The following APEH variants were observed in gnomAD, a reference collection of about 807,000 sequenced individuals.
APEH encodes the protein acylaminoacyl-peptide hydrolase.
Under a neutral mutation model 102.7 loss-of-function variants are expected in APEH, and 75 were observed. The ratio of observed to expected loss-of-function variants is 0.73; its 90% confidence interval spans 0.61 to 0.89. APEH has a LOEUF of 0.89. Ranked by LOEUF, APEH falls within the 40% of genes least tolerant of loss-of-function variation. The pLI, the probability that APEH is intolerant of heterozygous loss-of-function variation, is 0.00. For missense variants in APEH, 863 were observed against 941.2 expected, an observed-to-expected ratio of 0.92 and a Z score of 1.09; for synonymous variants, 344 against 362.7, an observed-to-expected ratio of 0.95 and a Z score of 0.59.
chr3:49,674,074 G>T (rs915026021), upstream of APEH: 7 of 434,262 alleles, frequency 1.6e-5, no homozygotes, highest in African/African-American at 1.5e-4. Context: ...CCACAGGGCC[G>T]CCCCCTCTCC....
chr3:49,676,481 T>C lies in APEH; in HGVS notation c.710T>C (p.Leu237Pro), dbSNP rs369684337. The C allele has an allele frequency of 9.3e-6, 15 of 1,614,248 alleles. No individual in the cohort carries two copies. The highest frequency in any genetic ancestry group is 1.1e-5 in the Non-Finnish European group (13 of 1,180,032). ...GTCGAGAGTGGCAACATCTCTGTGCTTGAGGGGGTCCCTGAGAATGTGTCC... is the reference window on the plus strand; with the variant it reads ...GTCGAGAGTGGCAACATCTCTGTGCCTGAGGGGGTCCCTGAGAATGTGTCC... ...LDVESGNISV[L>P]EGVPENVSPG... Residue 237 changes from leucine to proline, a missense_variant, in exon 7 of 22, where the codon CTT (leucine) becomes CCT (proline). Leu to Pro is a moderately conservative substitution (Grantham distance 98). Coordinates refer to ENST00000296456, the MANE Select transcript of APEH (RefSeq NM_001640.4).
rs780876657 is a variant in APEH, at chr3:49,676,158, T to C, written c.545T>C (p.Leu182Ser). Residue 182 changes from leucine (L) to serine (S), a missense_variant, in exon 6 of 22, where the codon TTG becomes TCG. Transcript: ENST00000296456. ...KAESFFQTKA[L>S]DVSASDDEIA... ...GAGTCCTTCTTTCAGACCAAAGCCT[T>C]GGACGTCAGTGCCAGCGATGATGAG... 1.2e-6 allele frequency: 2 copies of C among 1,614,072 alleles called. No homozygotes were observed. Among genetic ancestry groups the C allele is most frequent in the East Asian group, 2.2e-5 (1 of 44,892 alleles).
chr3:49,675,861 G>T (rs1379634082), intron 4 of APEH, 30 bp from the exon 5 acceptor site: 2 of 1,613,876 alleles, frequency 1.2e-6, no homozygotes, highest in South Asian at 2.2e-5. Flanking sequence ...CTGTTAGCGG[G>T]CAAACAGCCT....
At position 49,675,986 on chromosome 3, in the gene APEH, A is replaced by G. The variant is rs1339351038; in HGVS notation, c.442+20A>G. 6.2e-7 allele frequency: 1 copy of G among 1,614,192 alleles called. No homozygotes were observed. The highest frequency in any genetic ancestry group is 1.7e-5 in the Admixed American group (1 of 60,018). ...AGGATGGTGAGGCATCTGGCTGGTG[A>G]GCAGGCAGGGTGGACAGGAGGGGTA... On this transcript the variant is annotated intron_variant, in intron 5 of 21. Coordinates refer to ENST00000296456, the MANE Select transcript of APEH (RefSeq NM_001640.4).
chr3:49,673,725 C>T (rs1480071511), upstream of APEH, among the ~76,000 whole-genome samples: 1 of 152,148 alleles, frequency 6.6e-6, no homozygotes, highest in East Asian at 1.9e-4. Context: ...GTGGTGGACC[C>T]GAAGGAACCC....
chr3:49,675,095 A>T, intron 2 of APEH, 88 bp from the exon 3 acceptor site: 1 of 1,556,740 alleles, frequency 6.4e-7, no homozygotes, highest in Non-Finnish European at 8.8e-7. Context: ...GGGAAGATAG[A>T]TCTAGGCCTT....
intron 11 of APEH, among the ~76,000 whole-genome samples, chr3:49,678,553 A>G (rs2053174202): frequency 6.6e-6 from 1 of 152,226 alleles, no homozygotes; most frequent in South Asian, 2.1e-4. Context: ...ACCTGGGTTC[A>G]ACTGGAATTA....
chr3:49,680,858 G>A (rs944055595), intron 14 of APEH, among the ~76,000 whole-genome samples: 1 of 152,208 alleles, frequency 6.6e-6, no homozygotes, highest in South Asian at 2.1e-4. Flanking sequence ...GCTCTGTCTT[G>A]GTATTACAGA....
chr3:49,682,343 C>T lies in APEH; in HGVS notation c.1604-5C>T. On this transcript the variant is annotated splice_polypyrimidine_tract_variant and splice_region_variant and intron_variant, in intron 17 of 21. Coordinates refer to ENST00000296456, the MANE Select transcript of APEH (RefSeq NM_001640.4). Reference sequence around the variant, plus strand: ...CTACACTGTCTGGTCCCTCCCTGCCCTCAGTGAACTATCGTGGCTCCACGG... The same window carrying T: ...CTACACTGTCTGGTCCCTCCCTGCCTTCAGTGAACTATCGTGGCTCCACGG... 6.8e-6 allele frequency: 11 copies of T among 1,611,816 alleles called. No individual in the cohort carries two copies. Among genetic ancestry groups the T allele is most frequent in the Non-Finnish European group, 9.3e-6 (11 of 1,178,454 alleles).
intron 11 of APEH, among the ~76,000 whole-genome samples, chr3:49,677,989 G>A (rs2053146071): frequency 6.6e-6 from 1 of 152,166 alleles, no homozygotes; most frequent in Admixed American, 6.5e-5. Context: ...CTCAGGAAGT[G>A]CACTAGGTTG....
At chr3:49,675,420 C>T in intron 3 of APEH, 111 bp downstream of exon 3, 1 of 1,461,832 alleles carries the variant, frequency 6.8e-7, no homozygotes, top group Non-Finnish European at 9.2e-7. Flanking sequence ...AGGTTCTTGC[C>T]CCCTTGGGAG....
At chr3:49,673,336 G>A (rs1019549788), upstream of APEH, among the ~76,000 whole-genome samples, 1 of 151,904 alleles carries the variant, frequency 6.6e-6, no homozygotes, top group Non-Finnish European at 1.5e-5. Flanking sequence ...CCTGTACCAC[G>A]TGCACAGGGA....
upstream of APEH, chr3:49,674,191 C>T (rs1031173467): frequency 3.1e-6 from 2 of 635,898 alleles, no homozygotes. Flanking sequence ...CTCTCACCCA[C>T]CCAGGACTTC....
Position 49,683,350 on chromosome 3 carries a change from C to T in APEH, c.*8C>T. 1 of 1,603,176 alleles carries T rather than the reference C, an allele frequency of 6.2e-7. No homozygotes were observed. The highest frequency in any genetic ancestry group is 1.1e-5 in the South Asian group (1 of 90,834). On this transcript the variant is annotated 3_prime_UTR_variant, in exon 22 of 22. Coordinates refer to ENST00000296456, the MANE Select transcript of APEH (RefSeq NM_001640.4). ...ACACACTTGGGCAGCTGAAGCCCTGCCATTCTGCATGAGCTGATCAGCCTG... is the reference window on the plus strand; with the variant it reads ...ACACACTTGGGCAGCTGAAGCCCTGTCATTCTGCATGAGCTGATCAGCCTG...
In APEH at chr3:49,679,728, T is replaced by G. The variant is rs2053233535; in HGVS notation, c.1210+84T>G. 1.4e-6 allele frequency: 2 copies of G among 1,408,982 alleles called. No homozygotes were observed. Among genetic ancestry groups the G allele is most frequent in the Non-Finnish European group, 2.0e-6 (2 of 999,028 alleles). 87.3% of individuals were successfully genotyped at this position (1,408,982 alleles called of 1,614,324 possible). On this transcript the variant is annotated intron_variant, in intron 13 of 21. Transcript: ENST00000296456. The surrounding 1 kb of genome is among the most constrained non-coding windows in gnomAD (Gnocchi z 4.3). ...AGCGGGGGACTGGAGCTCCAACATGTGGGGCAGTGATGGCATTCTCAGCCA... is the reference window on the plus strand; with the variant it reads ...AGCGGGGGACTGGAGCTCCAACATGGGGGGCAGTGATGGCATTCTCAGCCA...
intron 17 of APEH, 129 bp downstream of exon 17, chr3:49,682,096 C>A: frequency 9.4e-7 from 1 of 1,068,078 alleles, no homozygotes; most frequent in Non-Finnish European, 1.4e-6. Context: ...CTAGTAACCA[C>A]TACCAGGAAC....
intron 10 of APEH, 93 bp from the exon 11 acceptor site, chr3:49,677,480 G>A: frequency 8.5e-7 from 1 of 1,172,246 alleles, no homozygotes; most frequent in Non-Finnish European, 1.3e-6. Context: ...ATCTCCTGGG[G>A]CTACCTGAGG....
intron 2 of APEH, 133 bp from the exon 3 acceptor site, chr3:49,675,050 A>G (rs1291156619): frequency 1.6e-6 from 2 of 1,256,774 alleles, no homozygotes; most frequent in African/African-American, 1.5e-5. Context: ...GCCTGCAGCC[A>G]GGGTGTCAGT....
chr3:49,677,577 A>C lies in APEH; in HGVS notation c.1004A>C (p.Asp335Ala). ...HHQCSQLCLY[D>A]WYTKVTSVVV... ...GACCATTGTGTTCTCTTGCAGTATG[A>C]CTGGTATACCAAGGTTACCTCAGTG... The change falls in exon 11 of 22, where the codon GAC (aspartate) becomes GCC (alanine). Residue 335 changes from aspartate (D) to alanine (A), a missense_variant. Asp to Ala is a moderately radical substitution (Grantham distance 126). Transcript: ENST00000296456. 6.2e-7 allele frequency: 1 copy of C among 1,613,564 alleles called. No homozygotes were observed. The highest frequency in any genetic ancestry group is 8.5e-7 in the Non-Finnish European group (1 of 1,179,514).
Sources: gnomAD v4.1 joint callset for allele counts (sites outside exome capture counted in the v4.1 genomes callset) on GRCh38, gnomAD v4.1.1 for gene constraint, Gnocchi (gnomAD v3.1) non-coding constraint, MANE v1.5 for transcripts, NCBI Gene and HGNC (gene_info 2026-07-23, HGNC 2026-07-21) for gene names.